DHX32: variants seen among roughly 807,000 people sequenced by gnomAD.
The protein encoded by DHX32 is DEAH-box helicase 32 (putative), also known as putative pre-mRNA-splicing factor ATP-dependent RNA helicase DHX32.
A neutral mutation model predicts 70.0 loss-of-function variants in DHX32; 51 were observed. The observed-to-expected ratio is 0.73, with a 90% CI of 0.58 to 0.92. The LOEUF (loss-of-function observed/expected upper bound fraction) is 0.92, where lower values mean the gene tolerates loss of function less well. DHX32 is among the 40% of genes least tolerant of loss of function. The pLI is 0.00. For missense variants in DHX32, 762 were observed against 891.8 expected (o/e 0.85, Z 1.85); for synonymous variants, 310 against 315.3 (o/e 0.98, Z 0.18).
chr10:125,873,391 T>C (rs1944266877), intron 1 of DHX32, among the ~76,000 whole-genome samples: 1 of 152,204 alleles, frequency 6.6e-6, no homozygotes, highest in Non-Finnish European at 1.5e-5. Flanking sequence ...CAAAGGCCTC[T>C]AATCCCTCAC....
chr10:125,867,297 G>C, intron 1 of DHX32, 114 bp from the exon 2 acceptor site: 1 of 835,828 alleles, frequency 1.2e-6, no homozygotes, highest in Non-Finnish European at 1.8e-6. Context: ...CAGTAAATCA[G>C]CAGTGGGCTG....
chr10:125,887,105 G>A (rs75784329), intron 1 of DHX32, among the ~76,000 whole-genome samples: 1 of 152,042 alleles, frequency 6.6e-6, no homozygotes, highest in East Asian at 1.9e-4. Flanking sequence ...TGCTTCTAAG[G>A]GCAACATCTG....
chr10:125,889,657 A>G (rs1944358654), intron 1 of DHX32, among the ~76,000 whole-genome samples: 1 of 152,268 alleles, frequency 6.6e-6, no homozygotes, highest in Non-Finnish European at 1.5e-5. Context: ...GCAAACCAGT[A>G]AGTCTGCACT....
chr10:125,861,160 C>T (rs934269640), intron 2 of DHX32, among the ~76,000 whole-genome samples: 1 of 152,110 alleles, frequency 6.6e-6, no homozygotes, highest in African/African-American at 2.4e-5. Context: ...AAGGTTAGCC[C>T]TTGGCTAGCA....
At chr10:125,839,251 G>C in intron 8 of DHX32, 63 bp from the exon 9 acceptor site, 2 of 1,540,762 alleles carry the variant, frequency 1.3e-6, no homozygotes, top group Admixed American at 3.6e-5. Context: ...AAGAGCCCAG[G>C]CCAGGCAGTT....
intron 6 of DHX32, among the ~76,000 whole-genome samples, chr10:125,851,757 A>G (rs1334102443): frequency 5.3e-5 from 8 of 152,092 alleles, no homozygotes; most frequent in African/African-American, 1.9e-4. Context: ...ATCTACATCT[A>G]CAAAGGAAAT....
In DHX32 at chr10:125,843,814, A is replaced by G. The variant is rs371844354; in HGVS notation, c.1352-1880T>C. Among the ~76,000 whole-genome samples the G allele has an allele frequency of 1.7e-4, 26 of 152,306 alleles. 1 individual carries two copies. The South Asian group carries it at 5.2e-3, about 30-fold the overall frequency. On this transcript the variant is annotated intron_variant, in intron 6 of 10. Coordinates refer to ENST00000284690, the MANE Select transcript of DHX32 (RefSeq NM_018180.3). ...AACTTCAGCCTGACGCGCCCACCAC[A>G]GGCAAAAGATCTGCTACTAGGAGTG... is the stretch of plus-strand genomic sequence containing the variant.
chr10:125,843,284 A>G (rs1014663658), intron 6 of DHX32, among the ~76,000 whole-genome samples: 2 of 151,924 alleles, frequency 1.3e-5, no homozygotes, highest in Admixed American at 1.3e-4. Context: ...TATGGTAAAA[A>G]TTTTCTTATG....
At chr10:125,860,485 A>G (rs1181967316) in intron 2 of DHX32, among the ~76,000 whole-genome samples, 3 of 152,224 alleles carry the variant, frequency 2.0e-5, no homozygotes, top group African/African-American at 7.2e-5. Context: ...ATTCACTGTG[A>G]GAGATGATAT....
rs1274412552 is a variant in DHX32, at chr10:125,867,182, ACCTGTAGCAGG to A, written c.283-10_283del. 1.3e-6 allele frequency: 2 copies of A among 1,598,456 alleles called. No individual in the cohort carries two copies. Among genetic ancestry groups the A allele is most frequent in the Admixed American group, 3.5e-5 (2 of 57,670 alleles). ...ACAATATTCAGCACACCACTGAGGA[ACCTGTAGCAGG>A]AAAAAATGAGACAGGATCAGCTTCT... On this transcript the variant is annotated splice_acceptor_variant and splice_polypyrimidine_tract_variant and coding_sequence_variant and intron_variant, in exon 2 of 11. Coordinates refer to ENST00000284690, the MANE Select transcript of DHX32 (RefSeq NM_018180.3). LOFTEE classifies it high-confidence loss of function.
At position 125,880,928 on chromosome 10, in the gene DHX32, A is replaced by G; in HGVS notation, c.-104T>C. On this transcript the variant is annotated 5_prime_UTR_variant, in exon 1 of 11. Transcript: ENST00000284690. ...TAAAAGCCTATTTATACAAACCCGT[A>G]TGTTCCAATCTCTAAGACTTCAGTT... 1.5e-6 allele frequency: 2 copies of G among 1,343,284 alleles called. No homozygotes were observed. The highest frequency in any genetic ancestry group is 2.3e-5 in the East Asian group (1 of 43,416). The allele number at this position is 1,343,284 out of a possible 1,614,324, so 83.2% of individuals were successfully genotyped here. A position where few individuals can be genotyped will look rare whatever the true frequency, so the allele number is the denominator to read the frequency against.
chr10:125,865,176 C>A lies in DHX32; in HGVS notation c.476+1814G>T, dbSNP rs186033929. Among the ~76,000 whole-genome samples, 415 of 152,180 alleles carry A rather than the reference C, an allele frequency of 2.7e-3. 1 individual carries two copies. Among genetic ancestry groups the A allele is most frequent in the African/African-American group, 9.7e-3 (401 of 41,494 alleles). On this transcript the variant is annotated intron_variant, in intron 2 of 10. Transcript: ENST00000284690. ...TACTTTAAAATGTCAAACCAACCAA[C>A]CAACCACAAATCTGCTTAGGGATCC... is the stretch of plus-strand genomic sequence containing the variant.
At chr10:125,846,412 G>A (rs1447386971) in intron 6 of DHX32, among the ~76,000 whole-genome samples, 5 of 152,150 alleles carry the variant, frequency 3.3e-5, no homozygotes, top group Non-Finnish European at 7.3e-5. Flanking sequence ...AGTAGTTAAA[G>A]GACTTTATGT....
chr10:125,837,423 A>G (rs982613563), intron 10 of DHX32, among the ~76,000 whole-genome samples: 2 of 152,098 alleles, frequency 1.3e-5, no homozygotes, highest in African/African-American at 4.8e-5. Context: ...TAGCAGCCAC[A>G]GTTATTTTTC....
At chr10:125,838,507 C>T in intron 9 of DHX32, 120 bp from the exon 10 acceptor site, 1 of 935,534 alleles carries the variant, frequency 1.1e-6, no homozygotes, top group Non-Finnish European at 1.5e-6. Context: ...CTAACGTTTG[C>T]CACTCATGTT....
intron 6 of DHX32, among the ~76,000 whole-genome samples, chr10:125,851,416 C>T (rs1373508877): frequency 6.6e-6 from 1 of 152,160 alleles, no homozygotes; most frequent in Admixed American, 6.5e-5. Flanking sequence ...AGATAGTTTG[C>T]TTTTAAAAAT....
In DHX32 at chr10:125,839,088, G is replaced by T; in HGVS notation, c.1794C>A (p.Ile598=). The T allele has an allele frequency of 1.9e-6, 3 of 1,614,186 alleles. No homozygotes were observed. The highest frequency in any genetic ancestry group is 2.5e-6 in the Non-Finnish European group (3 of 1,180,028). Residue 598 remains isoleucine (I), a synonymous_variant, in exon 9 of 11, where the codon ATC becomes ATA. Coordinates refer to ENST00000284690, the MANE Select transcript of DHX32 (RefSeq NM_018180.3). ...RAELLEIIKR[I]ELPYAEPAFG... is the part of the protein sequence containing the mutation. The stretch of plus-strand genomic sequence containing the variant: ...AAGCAGGTTCTGCATAGGGAAGCTC[G>T]ATTCGCTTGATAATTTCTAAGAGTT...
At chr10:125,840,633 G>A (rs1323891824) in intron 8 of DHX32, among the ~76,000 whole-genome samples, 3 of 152,220 alleles carry the variant, frequency 2.0e-5, no homozygotes, top group Non-Finnish European at 4.4e-5. Flanking sequence ...GTACAGGCCC[G>A]CCATGGTGGC....
Position 125,866,976 on chromosome 10 carries a change from C to G in DHX32, c.476+14G>C. On this transcript the variant is annotated intron_variant, in intron 2 of 10. Transcript: ENST00000284690. The surrounding 1 kb of genome is among the most constrained non-coding windows in gnomAD (Gnocchi z 4.8). ...AATCATCAGCAGGGAGCGGACTGAACCCCACAAACCAACCTCAGGATTGTT... is the reference window on the plus strand; with the variant it reads ...AATCATCAGCAGGGAGCGGACTGAAGCCCACAAACCAACCTCAGGATTGTT... The G allele has an allele frequency of 6.2e-7, 1 of 1,608,610 alleles. No homozygotes were observed. The highest frequency in any genetic ancestry group is 1.3e-5 in the African/African-American group (1 of 75,002).
Sources: allele counts gnomAD v4.1 joint callset (sites outside exome capture counted in the v4.1 genomes callset), GRCh38; gene constraint gnomAD v4.1.1; non-coding constraint Gnocchi (gnomAD v3.1); transcripts MANE v1.5; gene names NCBI Gene and HGNC (gene_info 2026-07-23, HGNC 2026-07-21).